Variants in KIAA1328 observed in about 807,000 individuals in gnomAD.
KIAA1328 encodes KIAA1328.
A neutral mutation model predicts 68.1 loss-of-function variants in KIAA1328; 52 were observed. The ratio of observed to expected loss-of-function variants is 0.76; its 90% CI spans 0.61 to 0.96. KIAA1328 has a LOEUF of 0.96. KIAA1328 is among the 40% of genes least tolerant of loss of function. The probability of loss-of-function intolerance (pLI) is 0.00; values close to 1 mark genes in which losing one functional copy is unlikely to be tolerated. For synonymous variants in KIAA1328, 232 were observed against 239.4 expected (o/e 0.97, Z 0.28); for missense variants, 641 against 677.6 (o/e 0.95, Z 0.60).
At chr18:36,962,957 A>T (rs979370310) in intron 6 of KIAA1328, among the ~76,000 whole-genome samples, 2 of 152,248 alleles carry the variant, frequency 1.3e-5, no homozygotes, top group Admixed American at 6.5e-5. Flanking sequence ...AAGGCAAGAA[A>T]TAACTAAGAT....
Position 37,109,655 on chromosome 18 carries a change from C to G in KIAA1328, c.1232+42110C>G, listed in dbSNP as rs534496228. On this transcript the variant is annotated intron_variant, in intron 7 of 9. Coordinates refer to ENST00000280020, the MANE Select transcript of KIAA1328 (RefSeq NM_020776.3). ...TTCCTGAAAAATGTTGCTGCTACCACTTATTAAATACAAGAAGCTGGTTAA... is the reference window on the plus strand; with the variant it reads ...TTCCTGAAAAATGTTGCTGCTACCAGTTATTAAATACAAGAAGCTGGTTAA... Among the ~76,000 whole-genome samples, 3 of 152,290 alleles carry G rather than the reference C, an allele frequency of 2.0e-5. No individual in the cohort carries two copies. In the East Asian group the frequency reaches 5.8e-4, roughly 29 times the overall value.
chr18:37,112,819 C>T (rs183235250), intron 7 of KIAA1328, among the ~76,000 whole-genome samples: 18 of 152,182 alleles, frequency 1.2e-4, no homozygotes, highest in Non-Finnish European at 7.4e-5. Flanking sequence ...CTTAAGTGAC[C>T]TGATGGAGCT....
In KIAA1328 at chr18:37,067,561, TC is replaced by T. The variant is rs1174191286; in HGVS notation, c.1232+17del. 9 of 1,439,438 alleles carry T rather than the reference TC, an allele frequency of 6.3e-6. No homozygotes were observed. The highest frequency in any genetic ancestry group is 2.1e-4 in the Middle Eastern group (1 of 4,814). The allele number at this position is 1,439,438 out of a possible 1,614,324, so 89.2% of individuals were successfully genotyped here. A position where few individuals can be genotyped will look rare whatever the true frequency, so the allele number is the denominator to read the frequency against. On this transcript the variant is annotated intron_variant, in intron 7 of 9. Transcript: ENST00000280020. ...ATTACAATTGGTGAGTACTGCCTGTTCTTTTTTTTTTTTTTTTGAGACGAAA... is the reference window on the plus strand; with the variant it reads ...ATTACAATTGGTGAGTACTGCCTGTTTTTTTTTTTTTTTTTTGAGACGAAA...
intron 8 of KIAA1328, among the ~76,000 whole-genome samples, chr18:37,164,762 A>G (rs1374913162): frequency 2.6e-5 from 4 of 152,144 alleles, no homozygotes; most frequent in Non-Finnish European, 2.9e-5. Context: ...CAAAATCAAA[A>G]TAAAAAAGTG....
At chr18:37,124,620 T>G (rs544452557) in intron 7 of KIAA1328, among the ~76,000 whole-genome samples, 1 of 152,354 alleles carries the variant, frequency 6.6e-6, no homozygotes, top group East Asian at 1.9e-4. Flanking sequence ...CTATTTCACA[T>G]ACTTGAAATA....
intron 7 of KIAA1328, among the ~76,000 whole-genome samples, chr18:37,138,856 T>C (rs2058701996): frequency 6.6e-6 from 1 of 151,802 alleles, no homozygotes; most frequent in South Asian, 2.1e-4. Context: ...TATTATTGGA[T>C]ATATGGAAAT....
chr18:36,938,837 G>C (rs756209644), intron 5 of KIAA1328, among the ~76,000 whole-genome samples: 1 of 152,202 alleles, frequency 6.6e-6, no homozygotes, highest in African/African-American at 2.4e-5. Flanking sequence ...TTATCGAAGA[G>C]ACTCTGTTTT....
intron 6 of KIAA1328, among the ~76,000 whole-genome samples, chr18:37,061,341 C>T (rs2056138829): frequency 1.3e-5 from 2 of 151,970 alleles, no homozygotes; most frequent in Non-Finnish European, 2.9e-5. Flanking sequence ...GAGGTGCTAT[C>T]GACTAGAAAG....
At chr18:36,837,529 A>C (rs936001095) in intron 3 of KIAA1328, among the ~76,000 whole-genome samples, 1 of 152,028 alleles carries the variant, frequency 6.6e-6, no homozygotes, top group Non-Finnish European at 1.5e-5. Context: ...TTCTCATTCT[A>C]TGCATTGCCT....
rs180984027 is a variant in KIAA1328 at position 37,073,959 on chromosome 18, A to G, written c.1232+6414A>G. On this transcript the variant is annotated intron_variant, in intron 7 of 9. Coordinates refer to ENST00000280020, the MANE Select transcript of KIAA1328 (RefSeq NM_020776.3). ...TTTTTATTGCATTCTGGACATTTTC[A>G]GTTTATGGTGTGAGATACTGATCTT... 1.9e-3 allele frequency among the ~76,000 whole-genome samples: 294 copies of G among 152,212 alleles called. 1 individual carries two copies. The highest frequency in any genetic ancestry group is 3.4e-3 in the Non-Finnish European group (231 of 68,014).
At chr18:37,128,802 A>G (rs1216592276) in intron 7 of KIAA1328, among the ~76,000 whole-genome samples, 2 of 152,230 alleles carry the variant, frequency 1.3e-5, no homozygotes, top group South Asian at 4.1e-4. Context: ...GTTCATCCAT[A>G]CAATAGAATA....
At chr18:36,865,032 CTATT>C (rs971789946) in intron 4 of KIAA1328, among the ~76,000 whole-genome samples, 14 of 150,064 alleles carry the variant, frequency 9.3e-5, no homozygotes, top group African/African-American at 3.4e-4. Flanking sequence ...TTTTTGTTCT[CTATT>C]TCATTGATTT....
In KIAA1328 at chr18:37,224,772, A is replaced by G. The variant is rs368642081; in HGVS notation, c.*2545A>G. On this transcript the variant is annotated 3_prime_UTR_variant, in exon 10 of 10. Transcript: ENST00000280020. ...CCAGCCTCTAGACACTTCCCAAAGC[A>G]AGACTGGACACATGCCGAGGGCGTT... 3 of 985,390 alleles carry G rather than the reference A, an allele frequency of 3.0e-6. No homozygotes were observed. Among genetic ancestry groups the G allele is most frequent in the Non-Finnish European group, 1.2e-6 (1 of 829,924 alleles). 61.0% of individuals were successfully genotyped at this position (985,390 alleles called of 1,614,324 possible).
intron 5 of KIAA1328, among the ~76,000 whole-genome samples, chr18:36,933,564 C>T (rs1598748331): frequency 6.6e-6 from 1 of 152,346 alleles, no homozygotes; most frequent in East Asian, 1.9e-4. Flanking sequence ...GTAACTGAGT[C>T]CCAGCCACAG....
intron 5 of KIAA1328, among the ~76,000 whole-genome samples, chr18:36,892,980 C>T (rs761886145): frequency 3.9e-5 from 6 of 152,046 alleles, no homozygotes; most frequent in Non-Finnish European, 7.4e-5. Flanking sequence ...GGTGACCGTA[C>T]CCCAAACTTC....
intron 9 of KIAA1328, among the ~76,000 whole-genome samples, chr18:37,187,272 T>C (rs2059821834): frequency 6.6e-6 from 1 of 152,134 alleles, no homozygotes; most frequent in Non-Finnish European, 1.5e-5. Flanking sequence ...GGAAGAGTGA[T>C]TAATGTTGTA....
At chr18:36,998,111 G>A (rs2053459936) in intron 6 of KIAA1328, among the ~76,000 whole-genome samples, 1 of 152,158 alleles carries the variant, frequency 6.6e-6, no homozygotes, top group Admixed American at 6.5e-5. Context: ...TGGAGAGCCT[G>A]AGTATAAGCC....
At chr18:36,897,256 CAA>C (rs2048895138) in intron 5 of KIAA1328, among the ~76,000 whole-genome samples, 1 of 151,982 alleles carries the variant, frequency 6.6e-6, no homozygotes. Flanking sequence ...AGAGCAGAGC[CAA>C]ATGGAGAAAG....
Position 37,222,260 on chromosome 18 carries a change from G to T in KIAA1328, c.*33G>T, listed in dbSNP as rs1291845997. 3.9e-6 allele frequency: 6 copies of T among 1,550,472 alleles called. No homozygotes were observed. The highest frequency in any genetic ancestry group is 2.4e-5 in the East Asian group (1 of 40,924). ...CAAAATTTTCTTAGGAAATTTGTGG[G>T]TTTCCTCACATACTGATCTAGGATT... On this transcript the variant is annotated 3_prime_UTR_variant, in exon 10 of 10. Transcript: ENST00000280020.
Sources: allele counts gnomAD v4.1 joint callset (sites outside exome capture counted in the v4.1 genomes callset), GRCh38; gene constraint gnomAD v4.1.1; transcripts MANE v1.5; gene names NCBI Gene and HGNC (gene_info 2026-07-23, HGNC 2026-07-21).